OSBPL8: variants seen among roughly 807,000 people sequenced by gnomAD.
OSBPL8 encodes oxysterol binding protein like 8.
Under a neutral mutation model 125.5 loss-of-function variants are expected in OSBPL8, and 59 were observed. The ratio of observed to expected loss-of-function variants is 0.47; its 90% CI spans 0.38 to 0.58. OSBPL8 has a LOEUF of 0.58. Among genes scored for constraint, OSBPL8 ranks in the 20% least tolerant of loss-of-function variants. OSBPL8 has a pLI of 0.00. For missense variants in OSBPL8, 758 were observed against 1,047.8 expected, an observed-to-expected ratio of 0.72 and a Z score of 3.82; for synonymous variants, 330 against 338.9, an observed-to-expected ratio of 0.97 and a Z score of 0.29.
chr12:76,498,896 T>A (rs1412962925), intron 1 of OSBPL8, among the ~76,000 whole-genome samples: 2 of 152,016 alleles, frequency 1.3e-5, no homozygotes, highest in Admixed American at 6.6e-5. Context: ...CGTTTATTGT[T>A]TTTTGTCTTT....
chr12:76,467,767 G>T (rs944513092), intron 2 of OSBPL8, among the ~76,000 whole-genome samples: 4 of 151,536 alleles, frequency 2.6e-5, no homozygotes, highest in African/African-American at 9.7e-5. Context: ...TGCAGTCTCA[G>T]CCCACTCATT....
chr12:76,496,541 T>C (rs1296573058), intron 1 of OSBPL8, among the ~76,000 whole-genome samples: 1 of 151,400 alleles, frequency 6.6e-6, no homozygotes, highest in Non-Finnish European at 1.5e-5. Context: ...ACCTGGCTAA[T>C]ACATTTTTTT....
intron 1 of OSBPL8, among the ~76,000 whole-genome samples, chr12:76,550,877 T>C (rs553534000): frequency 6.6e-6 from 1 of 152,208 alleles, no homozygotes; most frequent in East Asian, 1.9e-4. Context: ...GGAGTTCAAA[T>C]TCAGCCTATG....
intron 1 of OSBPL8, among the ~76,000 whole-genome samples, chr12:76,503,374 A>G (rs1438198129): frequency 1.3e-5 from 2 of 152,114 alleles, no homozygotes; most frequent in Non-Finnish European, 2.9e-5. Flanking sequence ...TCCTCTTCTT[A>G]TAAGGAGACC....
intron 2 of OSBPL8, among the ~76,000 whole-genome samples, chr12:76,485,102 T>C (rs1342799403): frequency 6.6e-6 from 1 of 151,824 alleles, no homozygotes; most frequent in Non-Finnish European, 1.5e-5. Context: ...TTTGTATTTT[T>C]AGTAGAGACA....
chr12:76,385,035 AC>A (rs529557921), intron 14 of OSBPL8, among the ~76,000 whole-genome samples: 37 of 152,200 alleles, frequency 2.4e-4, no homozygotes, highest in Non-Finnish European at 4.4e-4. Flanking sequence ...GGAAACAAAA[AC>A]AAAAAACATG....
chr12:76,398,404 AT>A (rs769540760), intron 7 of OSBPL8, among the ~76,000 whole-genome samples: 23 of 152,120 alleles, frequency 1.5e-4, no homozygotes, highest in Non-Finnish European at 3.1e-4. Context: ...CCTTATTCAA[AT>A]TACTTTGTTC....
intron 4 of OSBPL8, among the ~76,000 whole-genome samples, chr12:76,436,971 G>A (rs191815132): frequency 9.9e-5 from 15 of 151,836 alleles, no homozygotes; most frequent in African/African-American, 2.4e-4. Flanking sequence ...AATTTGTTTC[G>A]TAAATTCTTC....
chr12:76,370,843 A>G (rs1952592929), intron 19 of OSBPL8, among the ~76,000 whole-genome samples: 1 of 152,226 alleles, frequency 6.6e-6, no homozygotes, highest in East Asian at 1.9e-4. Flanking sequence ...AGTGCCTAGC[A>G]AAATATCTCT....
intron 2 of OSBPL8, among the ~76,000 whole-genome samples, chr12:76,484,429 G>A (rs754532162): frequency 1.2e-4 from 18 of 152,134 alleles, no homozygotes; most frequent in Non-Finnish European, 1.3e-4. Context: ...TCTTTTTGTA[G>A]AGAAGGCTTA....
chr12:76,429,815 T>A (rs902399882), intron 4 of OSBPL8, among the ~76,000 whole-genome samples: 1 of 151,972 alleles, frequency 6.6e-6, no homozygotes, highest in Non-Finnish European at 1.5e-5. Flanking sequence ...CTCTCTCCTT[T>A]CCCTAAGTCA....
Position 76,369,772 on chromosome 12 carries a change from G to C in OSBPL8, c.2105C>G (p.Ala702Gly). The C allele has an allele frequency of 1.2e-6, 2 of 1,613,526 alleles. No individual in the cohort carries two copies. The highest frequency in any genetic ancestry group is 1.7e-6 in the Non-Finnish European group (2 of 1,179,672). ...RAINAKDQTE[A>G]TQEKYVLEEA... ...TTCCAAAACATACTTCTCTTGGGTA[G>C]CTTCAGTTTGGTCTTTGGCATTTAT... The change falls in exon 20 of 24, where the codon GCT becomes GGT. Residue 702 changes from alanine to glycine, a missense_variant. Transcript: ENST00000261183.
intron 13 of OSBPL8, 77 bp from the exon 14 acceptor site, chr12:76,386,343 T>A: frequency 6.7e-7 from 1 of 1,491,238 alleles, no homozygotes; most frequent in South Asian, 1.4e-5. Context: ...TCAAAATGGG[T>A]TTAACTCTAC....
At chr12:76,423,935 T>G (rs757025143) in intron 4 of OSBPL8, among the ~76,000 whole-genome samples, 1 of 152,136 alleles carries the variant, frequency 6.6e-6, no homozygotes, top group Non-Finnish European at 1.5e-5. Context: ...GCACAACATC[T>G]CATATAATCT....
chr12:76,514,936 T>C (rs1481319619), intron 1 of OSBPL8, among the ~76,000 whole-genome samples: 1 of 152,250 alleles, frequency 6.6e-6, no homozygotes, highest in Admixed American at 6.5e-5. Flanking sequence ...TGGTTTATTC[T>C]GTTGTTAATA....
At chr12:76,434,682 C>T (rs1226773703) in intron 4 of OSBPL8, among the ~76,000 whole-genome samples, 1 of 151,818 alleles carries the variant, frequency 6.6e-6, no homozygotes, top group East Asian at 1.9e-4. Context: ...AACAAAATAA[C>T]CTAATTAAAA....
chr12:76,555,661 T>C (rs963797492), intron 1 of OSBPL8, among the ~76,000 whole-genome samples: 1 of 152,180 alleles, frequency 6.6e-6, no homozygotes, highest in Non-Finnish European at 1.5e-5. Context: ...CATGGATTAT[T>C]ATCCTGATTT....
At chr12:76,539,062 G>T (rs909016766) in intron 1 of OSBPL8, among the ~76,000 whole-genome samples, 1 of 124,824 alleles carries the variant, frequency 8.0e-6, no homozygotes, top group Non-Finnish European at 1.7e-5. Flanking sequence ...GGGGGGGGAG[G>T]GGGAGGGTAA....
intron 2 of OSBPL8, among the ~76,000 whole-genome samples, chr12:76,483,808 G>A (rs982027012): frequency 1.6e-4 from 24 of 151,212 alleles, no homozygotes; most frequent in African/African-American, 5.1e-4. Flanking sequence ...CCGGGTAGCT[G>A]GGATTACAGG....
Sources: allele counts gnomAD v4.1 joint callset (sites outside exome capture counted in the v4.1 genomes callset), GRCh38; gene constraint gnomAD v4.1.1; transcripts MANE v1.5; gene names NCBI Gene and HGNC (gene_info 2026-07-23, HGNC 2026-07-21).